CD8A: variants seen among roughly 807,000 people sequenced by gnomAD.
CD8A encodes T-cell surface glycoprotein CD8 alpha chain.
A neutral mutation model predicts 24.2 loss-of-function variants in CD8A; 25 were observed. That is an observed-to-expected ratio of 1.03 (90% CI 0.75 to 1.44). CD8A has a LOEUF of 1.44. CD8A is among the 40% of genes most tolerant of loss of function. CD8A has a pLI of 0.00. For missense variants in CD8A, 360 were observed against 319.7 expected, an observed-to-expected ratio of 1.13 and a Z score of -0.96; for synonymous variants, 165 against 149.9, an observed-to-expected ratio of 1.10 and a Z score of -0.74.
intron 2 of CD8A, among the ~76,000 whole-genome samples, chr2:86,803,363 C>T (rs1553432119): frequency 6.6e-6 from 1 of 152,110 alleles, no homozygotes; most frequent in Non-Finnish European, 1.5e-5. Flanking sequence ...ATGGAGACAA[C>T]CTAGACAACC....
intron 3 of CD8A, among the ~76,000 whole-genome samples, chr2:86,798,901 T>C (rs1001076275): frequency 6.6e-6 from 1 of 152,242 alleles, no homozygotes; most frequent in African/African-American, 2.4e-5. Context: ...TATGTATACA[T>C]GTATATGTGT....
chr2:86,803,281 A>T lies in CD8A; in HGVS notation c.-417-1624T>A, dbSNP rs369717717. ...CTCTTCTGGGCTCATACCCAAAGGAAATGAAATCACCACCTCACCAAGGTA... is the reference window on the plus strand; with the variant it reads ...CTCTTCTGGGCTCATACCCAAAGGATATGAAATCACCACCTCACCAAGGTA... On this transcript the variant is annotated intron_variant, in intron 2 of 8. Transcript: ENST00000409511. Among the ~76,000 whole-genome samples the T allele has an allele frequency of 1.6e-3, 240 of 152,340 alleles. 8 individuals carry two copies. In the South Asian group the frequency reaches 0.048, roughly 31 times the overall value.
upstream of CD8A, chr2:86,791,127 GA>G (rs1558736271): frequency 4.6e-6 from 3 of 659,054 alleles, no homozygotes; most frequent in Non-Finnish European, 8.4e-6. Context: ...AAAGGGCTTG[GA>G]AATAGTCCTT....
intron 2 of CD8A, among the ~76,000 whole-genome samples, 170 bp downstream of exon 2, chr2:86,790,158 C>T (rs574687521): frequency 1.6e-4 from 25 of 152,354 alleles, no homozygotes; most frequent in African/African-American, 5.5e-4. Context: ...ATCCCCAGTC[C>T]CTACTCAGCC....
Position 86,785,808 on chromosome 2 carries a change from A to C in CD8A, c.*112T>G, listed in dbSNP as rs2104426228. 1.2e-6 allele frequency: 1 copy of C among 855,862 alleles called. No individual in the cohort carries two copies. Among genetic ancestry groups the C allele is most frequent in the East Asian group, 2.4e-5 (1 of 41,554 alleles). The allele number at this position is 855,862 out of a possible 1,614,324, so 53.0% of individuals were successfully genotyped here. On this transcript the variant is annotated 3_prime_UTR_variant, in exon 6 of 6. Coordinates refer to ENST00000283635, the MANE Select transcript of CD8A (RefSeq NM_001768.7). The stretch of plus-strand genomic sequence containing the variant: ...CCACCCCGCCCCCACTAAAATAATA[A>C]TCATGAGAATGAATACACAGGGAGG...
intron 2 of CD8A, among the ~76,000 whole-genome samples, chr2:86,804,794 C>CT (rs70958908): frequency 0.027 from 2,570 of 94,074 alleles, 272 homozygotes; most frequent in African/African-American, 0.067. Flanking sequence ...CTTGCTAAAT[C>CT]TTTTTTTTTT....
rs573547815 is a variant in CD8A, at chr2:86,799,584, A to G, written c.-271+1927T>C. ...ATCCTGGCTAACACGGTGAAACCCC[A>G]TCTCTACCAAAAATACAAAAAATTA... On this transcript the variant is annotated intron_variant, in intron 3 of 8. Transcript: ENST00000409511. Among the ~76,000 whole-genome samples the G allele has an allele frequency of 5.9e-5, 9 of 151,396 alleles. No individual in the cohort carries two copies. The East Asian group carries it at 9.7e-4, about 16-fold the overall frequency.
At chr2:86,786,632 TCA>T (rs992817441) in intron 5 of CD8A, among the ~76,000 whole-genome samples, 7 of 152,138 alleles carry the variant, frequency 4.6e-5, no homozygotes, top group African/African-American at 1.7e-4. Context: ...AACTTTATTC[TCA>T]GTTATTCATC....
chr2:86,790,729 GC>G (rs1473177868), intron 1 of CD8A, 47 bp downstream of exon 1: 4 of 680,292 alleles, frequency 5.9e-6, no homozygotes, highest in East Asian at 1.3e-4. Flanking sequence ...CGCGCCCCCC[GC>G]CCCCCGCCCG....
In CD8A at chr2:86,789,630, C is replaced by A. The variant is rs986178773; in HGVS notation, c.514+10G>T. 2.1e-5 allele frequency: 31 copies of A among 1,492,708 alleles called. No individual in the cohort carries two copies. The highest frequency in any genetic ancestry group is 2.7e-5 in the Non-Finnish European group (30 of 1,122,408). 92.5% of individuals were successfully genotyped at this position (1,492,708 alleles called of 1,614,324 possible). A position where few individuals can be genotyped will look rare whatever the true frequency, so the allele number is the denominator to read the frequency against. On this transcript the variant is annotated intron_variant, in intron 3 of 5. Transcript: ENST00000283635. ...GTGCCGCCCCCGCCCCGGGCCCCCGCACGCCTCACCTGCGCCCCCCGCCGC... is the reference window on the plus strand; with the variant it reads ...GTGCCGCCCCCGCCCCGGGCCCCCGAACGCCTCACCTGCGCCCCCCGCCGC...
chr2:86,792,563 C>T (rs867477836), upstream of CD8A, among the ~76,000 whole-genome samples: 2 of 151,202 alleles, frequency 1.3e-5, no homozygotes, highest in South Asian at 2.1e-4. Context: ...GGCACCACCT[C>T]GGCTCACTGC....
chr2:86,787,571 T>G (rs1673069083), intron 5 of CD8A, among the ~76,000 whole-genome samples: 1 of 152,132 alleles, frequency 6.6e-6, no homozygotes, highest in Non-Finnish European at 1.5e-5. Context: ...CTCAGTTTCC[T>G]TATCTGTAAA....
intron 2 of CD8A, among the ~76,000 whole-genome samples, chr2:86,807,004 T>C (rs1673927756): frequency 6.6e-6 from 1 of 152,130 alleles, no homozygotes. Context: ...CCCATGATGT[T>C]TTTGTTTTTG....
At chr2:86,799,857 C>T (rs990057667) in intron 3 of CD8A, among the ~76,000 whole-genome samples, 1 of 152,024 alleles carries the variant, frequency 6.6e-6, no homozygotes, top group Non-Finnish European at 1.5e-5. Context: ...TCTCTATCAT[C>T]GAGCTAGAAT....
chr2:86,806,669 C>G (rs1350251223), intron 2 of CD8A, among the ~76,000 whole-genome samples: 2 of 152,190 alleles, frequency 1.3e-5, no homozygotes, highest in Admixed American at 1.3e-4. Flanking sequence ...TCACTTGAGC[C>G]CAGGAGTTGG....
intron 2 of CD8A, among the ~76,000 whole-genome samples, chr2:86,804,799 T>TA (rs1673787918): frequency 7.3e-6 from 1 of 137,262 alleles, no homozygotes; most frequent in South Asian, 2.5e-4. Context: ...TAAATCTTTT[T>TA]TTTTTTTTTT....
At chr2:86,792,821 T>TA (rs1050403794), upstream of CD8A, among the ~76,000 whole-genome samples, 7 of 151,484 alleles carry the variant, frequency 4.6e-5, no homozygotes, top group African/African-American at 1.7e-4. Context: ...TTTTTTTTTT[T>TA]AATTATTTTG....
At chr2:86,804,480 A>G (rs1673775622) in intron 2 of CD8A, among the ~76,000 whole-genome samples, 1 of 152,208 alleles carries the variant, frequency 6.6e-6, no homozygotes, top group African/African-American at 2.4e-5. Flanking sequence ...TTTCTAGATG[A>G]AAAGAGTTAG....
intron 3 of CD8A, among the ~76,000 whole-genome samples, chr2:86,799,995 A>C (rs946452194): frequency 6.6e-6 from 1 of 151,928 alleles, no homozygotes; most frequent in Non-Finnish European, 1.5e-5. Context: ...TTGACATTGA[A>C]GACCAGCTTT....
Sources: gnomAD v4.1 joint callset for allele counts (sites outside exome capture counted in the v4.1 genomes callset) on GRCh38, gnomAD v4.1.1 for gene constraint, MANE v1.5 for transcripts, NCBI Gene and HGNC (gene_info 2026-07-23, HGNC 2026-07-21) for gene names.